Variants in AFTPH observed in about 807,000 individuals in gnomAD.
AFTPH encodes the protein aftiphilin.
AFTPH carries 7 observed loss-of-function variants against 72.5 expected under a neutral mutation model. The ratio of observed to expected loss-of-function variants is 0.10; its 90% CI spans 0.05 to 0.18. The LOEUF (loss-of-function observed/expected upper bound fraction) is 0.18. Ranked by LOEUF, AFTPH falls within the 10% of genes least tolerant of loss-of-function variation. AFTPH has a pLI of 1.00. For synonymous variants in AFTPH, 337 were observed against 370.1 expected (o/e 0.91, Z 1.03); for missense variants, 979 against 1,060.5 (o/e 0.92, Z 1.07).
chr2:64,539,081 T>A (rs952795250), intron 1 of AFTPH, among the ~76,000 whole-genome samples: 7 of 152,202 alleles, frequency 4.6e-5, no homozygotes, highest in Non-Finnish European at 8.8e-5. Flanking sequence ...TTTAACTTAG[T>A]CTTGACCAAA....
intron 2 of AFTPH, among the ~76,000 whole-genome samples, chr2:64,561,435 G>T (rs989804473): frequency 2.6e-5 from 4 of 152,184 alleles, no homozygotes; most frequent in Admixed American, 6.5e-5. Flanking sequence ...CTAGTGCTTT[G>T]GGAGGCCAAG....
chr2:64,542,567 T>G (rs964612795), intron 1 of AFTPH, among the ~76,000 whole-genome samples: 3 of 152,174 alleles, frequency 2.0e-5, no homozygotes, highest in African/African-American at 7.2e-5. Context: ...GTTTAGAGGT[T>G]ATGATCTCAG....
At chr2:64,562,531 G>A (rs1014735605) in intron 2 of AFTPH, among the ~76,000 whole-genome samples, 3 of 151,970 alleles carry the variant, frequency 2.0e-5, no homozygotes, top group African/African-American at 7.3e-5. Context: ...ATACTTCCTG[G>A]GTAGGAACTC....
At chr2:64,567,831 A>C in intron 3 of AFTPH, 118 bp downstream of exon 3, 7 of 1,104,056 alleles carry the variant, frequency 6.3e-6, no homozygotes, top group South Asian at 1.7e-5. Context: ...ACCTGAGGTC[A>C]GGAGTTTGAG....
chr2:64,536,553 C>T (rs1332945318), intron 1 of AFTPH, among the ~76,000 whole-genome samples: 2 of 124,554 alleles, frequency 1.6e-5, no homozygotes, highest in African/African-American at 3.2e-5. Flanking sequence ...CAGAGCAGAG[C>T]GAGACTCCAT....
intron 6 of AFTPH, among the ~76,000 whole-genome samples, chr2:64,578,424 A>T (rs1672956578): frequency 6.6e-6 from 1 of 152,210 alleles, no homozygotes; most frequent in South Asian, 2.1e-4. Flanking sequence ...ACATTTTTTC[A>T]TGTAAGAATA....
intron 2 of AFTPH, among the ~76,000 whole-genome samples, chr2:64,562,086 C>T (rs944349130): frequency 1.3e-5 from 2 of 152,076 alleles, no homozygotes; most frequent in African/African-American, 4.8e-5. Context: ...TCTTCCTGAA[C>T]TATAGTTTCT....
chr2:64,579,436 T>G (rs1673034306), intron 6 of AFTPH, 50 bp from the exon 7 acceptor site: 2 of 1,461,164 alleles, frequency 1.4e-6, no homozygotes, highest in African/African-American at 2.8e-5. Context: ...ATTCTTTACG[T>G]TGCTACAACC....
exon 2 of AFTPH, chr2:64,551,526 A>T: frequency 6.2e-7 from 1 of 1,614,012 alleles, no homozygotes; most frequent in Non-Finnish European, 8.5e-7. Context: ...ACCATTAGAC[A>T]ATGGAGCAGA....
chr2:64,564,640 TA>T (rs1558618104), intron 2 of AFTPH, among the ~76,000 whole-genome samples: 184 of 61,016 alleles, frequency 3.0e-3, no homozygotes, highest in African/African-American at 0.013. Flanking sequence ...AAAAATAAAA[TA>T]AATAAATGCA....
chr2:64,580,809 C>T (rs570882736), intron 7 of AFTPH: 207 of 154,526 alleles, frequency 1.3e-3, no homozygotes, highest in Middle Eastern at 3.4e-3. Context: ...TTGATTTGGG[C>T]ATGTACAGTG....
chr2:64,585,319 A>G, intron 7 of AFTPH, 103 bp from the exon 9 acceptor site: 1 of 1,384,904 alleles, frequency 7.2e-7, no homozygotes. Context: ...TGTTTGTAAA[A>G]CACTCAGATG....
intron 3 of AFTPH, among the ~76,000 whole-genome samples, chr2:64,568,777 T>G (rs1256116678): frequency 6.6e-6 from 1 of 152,076 alleles, no homozygotes; most frequent in African/African-American, 2.4e-5. Context: ...GCCTGGCTAA[T>G]TTTTTGTATT....
chr2:64,589,784 AACCATTT>A (rs1245971587), intron 8 of AFTPH, among the ~76,000 whole-genome samples: 1 of 152,184 alleles, frequency 6.6e-6, no homozygotes, highest in Non-Finnish European at 1.5e-5. Flanking sequence ...TGTTTTAAAT[AACCATTT>A]ATCATTATAG....
chr2:64,542,407 C>T (rs1670308689), intron 1 of AFTPH, among the ~76,000 whole-genome samples: 1 of 152,174 alleles, frequency 6.6e-6, no homozygotes, highest in Non-Finnish European at 1.5e-5. Context: ...CAACCAAGCA[C>T]CTTCTAAATT....
At chr2:64,581,086 C>CCTG (rs1438111743) in intron 7 of AFTPH, 104 bp from the exon 8 acceptor site, 3 of 658,686 alleles carry the variant, frequency 4.6e-6, no homozygotes, top group Non-Finnish European at 7.8e-6. Flanking sequence ...CTAATTATAA[C>CCTG]CTGCATGTTC....
intron 1 of AFTPH, among the ~76,000 whole-genome samples, chr2:64,532,577 G>A (rs1286103185): frequency 6.6e-6 from 1 of 152,178 alleles, no homozygotes; most frequent in Non-Finnish European, 1.5e-5. Flanking sequence ...TGTCAAAGGG[G>A]ATCTTAAGTT....
At chr2:64,547,942 G>A (rs1162854210) in intron 1 of AFTPH, among the ~76,000 whole-genome samples, 2 of 151,894 alleles carry the variant, frequency 1.3e-5, no homozygotes, top group African/African-American at 4.8e-5. Context: ...ATGCCACCAT[G>A]CCTGGCTAAT....
At chr2:64,574,265 G>C (rs930851746) in intron 6 of AFTPH, among the ~76,000 whole-genome samples, 3 of 152,096 alleles carry the variant, frequency 2.0e-5, no homozygotes, top group Admixed American at 6.5e-5. Flanking sequence ...TGTATGCTTG[G>C]ACAGCCTTTC....
Sources: allele counts gnomAD v4.1 joint callset (sites outside exome capture counted in the v4.1 genomes callset), GRCh38; gene constraint gnomAD v4.1.1; transcripts MANE v1.5; gene names NCBI Gene and HGNC (gene_info 2026-07-23, HGNC 2026-07-21).